The following MICU2 variants were observed in gnomAD, a reference collection of about 807,000 sequenced individuals.
The protein encoded by MICU2 is calcium uptake protein 2, mitochondrial.
Under a neutral mutation model 60.4 loss-of-function variants are expected in MICU2, and 64 were observed. The ratio of observed to expected loss-of-function variants is 1.06; its 90% CI spans 0.87 to 1.31. The LOEUF (loss-of-function observed/expected upper bound fraction) is 1.31. Among genes scored for constraint, MICU2 ranks in the 50% most tolerant of loss-of-function variants. MICU2 has a pLI of 0.00. For synonymous variants in MICU2, 201 were observed against 175.0 expected, an observed-to-expected ratio of 1.15 and a Z score of -1.17; for missense variants, 569 against 531.0, an observed-to-expected ratio of 1.07 and a Z score of -0.70.
chr13:21,582,704 A>AT (rs1342879840), intron 1 of MICU2, among the ~76,000 whole-genome samples: 3 of 152,140 alleles, frequency 2.0e-5, no homozygotes, highest in Non-Finnish European at 4.4e-5. Flanking sequence ...CTGCTCTGCC[A>AT]TAAGTGTTTT....
At chr13:21,544,528 A>AAAAC (rs1555273312) in intron 2 of MICU2, among the ~76,000 whole-genome samples, 4 of 148,188 alleles carry the variant, frequency 2.7e-5, no homozygotes, top group African/African-American at 9.8e-5. Context: ...AAAAAAAAAA[A>AAAAC]AAAAAACTCA....
rs766774688 is a variant in MICU2 at position 21,566,825 on chromosome 13, G to A, written c.330C>T (p.Leu110=). The A allele has an allele frequency of 2.5e-6, 4 of 1,602,764 alleles. No individual in the cohort carries two copies. Among genetic ancestry groups the A allele is most frequent in the Admixed American group, 3.4e-5 (2 of 58,112 alleles). Residue 110 remains leucine (L), a synonymous_variant, in exon 2 of 12, where the codon CTC becomes CTT. Transcript: ENST00000382374. ...CCATTTGCTCAAACATCACTGAGAA[G>A]AGGAAGTCTCGTGGTGTCATATAAT... The part of the protein sequence containing the change: ...GEYYMTPRDF[L]FSVMFEQMER...
intron 1 of MICU2, among the ~76,000 whole-genome samples, chr13:21,599,611 C>A (rs1297845204): frequency 2.6e-5 from 4 of 152,208 alleles, no homozygotes; most frequent in Admixed American, 2.6e-4. Flanking sequence ...CATAGACTTG[C>A]AATTCAGAGT....
chr13:21,553,553 C>A (rs1289435830), intron 2 of MICU2, among the ~76,000 whole-genome samples: 2 of 152,130 alleles, frequency 1.3e-5, no homozygotes, highest in African/African-American at 4.8e-5. Context: ...TGGAAAGGAA[C>A]AACTGGTACC....
At chr13:21,599,019 AT>A (rs1888757643) in intron 1 of MICU2, among the ~76,000 whole-genome samples, 2 of 152,146 alleles carry the variant, frequency 1.3e-5, no homozygotes, top group African/African-American at 2.4e-5. Context: ...GTAGCATTAG[AT>A]TCTGATAGGA....
chr13:21,556,382 T>C (rs1290501259), intron 2 of MICU2, among the ~76,000 whole-genome samples: 1 of 152,198 alleles, frequency 6.6e-6, no homozygotes, highest in African/African-American at 2.4e-5. Flanking sequence ...TTTCCTTATC[T>C]CTTCACCTCC....
intron 8 of MICU2, among the ~76,000 whole-genome samples, chr13:21,508,176 A>G (rs1886338251): frequency 6.7e-6 from 1 of 148,614 alleles, no homozygotes; most frequent in Non-Finnish European, 1.5e-5. Flanking sequence ...CCCAGGCTGG[A>G]GTGCAGTGGC....
chr13:21,537,469 CTTTTT>C (rs60479087), intron 4 of MICU2, among the ~76,000 whole-genome samples: 53 of 124,086 alleles, frequency 4.3e-4, no homozygotes, highest in African/African-American at 1.5e-3. Context: ...TTCTTTCTTT[CTTTTT>C]TTTTTTTTTT....
chr13:21,558,487 A>C (rs982876539), intron 2 of MICU2, among the ~76,000 whole-genome samples: 8 of 152,170 alleles, frequency 5.3e-5, no homozygotes, highest in Non-Finnish European at 1.0e-4. Flanking sequence ...ATGTCCTCCC[A>C]ATTACCTTTC....
At chr13:21,542,171 G>A (rs1319545610) in intron 2 of MICU2, among the ~76,000 whole-genome samples, 2 of 152,254 alleles carry the variant, frequency 1.3e-5, no homozygotes, top group East Asian at 3.9e-4. Flanking sequence ...CACTCTGGCA[G>A]GGTTTTCTTG....
Position 21,578,164 on chromosome 13 carries a change from T to G in MICU2, c.211-11220A>C, listed in dbSNP as rs536450988. On this transcript the variant is annotated intron_variant, in intron 1 of 11. Transcript: ENST00000382374. ...CACTGGAATTGCCTGTTTACTACAT[T>G]GAAGTCCTCAAGAATAGAAAGTATC... Among the ~76,000 whole-genome samples the G allele has an allele frequency of 3.7e-3, 561 of 152,312 alleles. 3 individuals carry two copies. The highest frequency in any genetic ancestry group is 0.013 in the African/African-American group (534 of 41,562).
rs775521487 is a variant in MICU2, at chr13:21,521,336, A to C, written c.515-9T>G. 9.4e-6 allele frequency: 15 copies of C among 1,601,764 alleles called. No homozygotes were observed. The highest frequency in any genetic ancestry group is 1.3e-5 in the Non-Finnish European group (15 of 1,175,770). On this transcript the variant is annotated splice_polypyrimidine_tract_variant and intron_variant, in intron 5 of 11. Coordinates refer to ENST00000382374, the MANE Select transcript of MICU2 (RefSeq NM_152726.3). ...AAATCCAGAATGGGGTTCTGCAGTGAAGTGAAAAATGAATATTTAAATGTT... is the reference window on the plus strand; with the variant it reads ...AAATCCAGAATGGGGTTCTGCAGTGCAGTGAAAAATGAATATTTAAATGTT...
chr13:21,560,154 T>G (rs1887806520), intron 2 of MICU2, among the ~76,000 whole-genome samples: 1 of 152,178 alleles, frequency 6.6e-6, no homozygotes, highest in Admixed American at 6.5e-5. Flanking sequence ...TAAGGCAACT[T>G]TTGATCAATA....
intron 5 of MICU2, 82 bp from the exon 6 acceptor site, chr13:21,521,409 T>G: frequency 9.5e-7 from 1 of 1,055,492 alleles, no homozygotes; most frequent in African/African-American, 1.6e-5. Context: ...AAATTTGACA[T>G]ACACTAGCAG....
chr13:21,593,429 C>A (rs182045831), intron 1 of MICU2, among the ~76,000 whole-genome samples: 218 of 151,868 alleles, frequency 1.4e-3, no homozygotes, highest in Non-Finnish European at 7.9e-4. Context: ...GTAAAAATGA[C>A]CAGACTGTCA....
At chr13:21,531,081 T>C in intron 4 of MICU2, 3 of 1,007,408 alleles carry the variant, frequency 3.0e-6, no homozygotes, top group Non-Finnish European at 4.8e-6. Flanking sequence ...GTTAAGTCAA[T>C]TACTTGATTT....
intron 1 of MICU2, chr13:21,603,592 C>G (rs918545372): frequency 2.1e-5 from 7 of 341,074 alleles, no homozygotes; most frequent in African/African-American, 1.5e-4. Flanking sequence ...TAGCAAGAGG[C>G]GAGGCGCAGT....
chr13:21,503,050 T>A lies in MICU2; in HGVS notation c.809A>T (p.Gln270Leu). The A allele has an allele frequency of 6.2e-7, 1 of 1,604,336 alleles. No homozygotes were observed. The stretch of plus-strand genomic sequence containing the variant: ...CATGAAACTCAAACCTTTAGAAAAC[T>A]GAAGGAATTCCATTTCTTGAATCTC... ...QTEIQEMEFLQFSKGLSFMRK... is the reference protein window; with the variant it reads ...QTEIQEMEFLLFSKGLSFMRK... Residue 270 changes from glutamine (Q) to leucine (L), a missense_variant, in exon 9 of 12, where the codon CAG (glutamine) becomes CTG (leucine). Gln to Leu is a moderately radical substitution (Grantham distance 113). Coordinates refer to ENST00000382374, the MANE Select transcript of MICU2 (RefSeq NM_152726.3).
At chr13:21,522,868 ATGGT>A (rs1192787179) in intron 4 of MICU2, among the ~76,000 whole-genome samples, 21 of 152,300 alleles carry the variant, frequency 1.4e-4, no homozygotes, top group Non-Finnish European at 4.4e-5. Context: ...GGAAGTTGTG[ATGGT>A]TGGTTTTAAG....
Sources: gnomAD v4.1 joint callset for allele counts (sites outside exome capture counted in the v4.1 genomes callset) on GRCh38, gnomAD v4.1.1 for gene constraint, MANE v1.5 for transcripts, NCBI Gene and HGNC (gene_info 2026-07-23, HGNC 2026-07-21) for gene names.